The following CPXM2 variants were observed in gnomAD, a reference collection of about 807,000 sequenced individuals.
CPXM2 encodes inactive carboxypeptidase-like protein X2.
CPXM2 carries 66 observed loss-of-function variants against 86.1 expected under a neutral mutation model. The ratio of observed to expected loss-of-function variants is 0.77; its 90% confidence interval spans 0.63 to 0.94. The LOEUF (loss-of-function observed/expected upper bound fraction) is 0.94. CPXM2 is among the 40% of genes least tolerant of loss of function. The probability of loss-of-function intolerance (pLI) is 0.00; values close to 1 mark genes in which losing one functional copy is unlikely to be tolerated. For synonymous variants in CPXM2, 388 were observed against 400.2 expected (o/e 0.97, Z 0.36); for missense variants, 948 against 1,026.3 (o/e 0.92, Z 1.04).
chr10:123,830,141 CTGA>C (rs1564788519), intron 4 of CPXM2, among the ~76,000 whole-genome samples: 1 of 152,084 alleles, frequency 6.6e-6, no homozygotes, highest in Non-Finnish European at 1.5e-5. Flanking sequence ...TCTTAAGAAA[CTGA>C]TGATATTAAC....
At chr10:123,899,140 G>A (rs1480841706) in intron 2 of CPXM2, among the ~76,000 whole-genome samples, 1 of 152,122 alleles carries the variant, frequency 6.6e-6, no homozygotes, top group Non-Finnish European at 1.5e-5. Flanking sequence ...TAAAACCAGA[G>A]AATGAAATTA....
intron 4 of CPXM2, among the ~76,000 whole-genome samples, chr10:123,824,765 G>T (rs1848012050): frequency 6.6e-6 from 1 of 152,204 alleles, no homozygotes; most frequent in African/African-American, 2.4e-5. Flanking sequence ...AAGGGATGTG[G>T]TAGGGAACAC....
At chr10:123,758,571 C>A (rs1846266897) in intron 11 of CPXM2, among the ~76,000 whole-genome samples, 1 of 152,188 alleles carries the variant, frequency 6.6e-6, no homozygotes, top group African/African-American at 2.4e-5. Flanking sequence ...TCCAAATAAG[C>A]TAACATTCCC....
chr10:123,767,601 T>G (rs1400314341), intron 9 of CPXM2, among the ~76,000 whole-genome samples: 2 of 152,248 alleles, frequency 1.3e-5, no homozygotes, highest in Non-Finnish European at 2.9e-5. Flanking sequence ...TGACCACATT[T>G]CTATACTGTA....
intron 4 of CPXM2, among the ~76,000 whole-genome samples, chr10:123,822,165 G>C (rs1173140342): frequency 6.6e-6 from 1 of 152,234 alleles, no homozygotes; most frequent in Non-Finnish European, 1.5e-5. Flanking sequence ...TGAATAAACA[G>C]AAATTGGTTT....
chr10:123,911,375 A>G (rs191109829), intron 2 of CPXM2, among the ~76,000 whole-genome samples: 261 of 152,168 alleles, frequency 1.7e-3, no homozygotes, highest in Non-Finnish European at 2.9e-3. Flanking sequence ...GTCTGAGGAC[A>G]CTCAGAGCAG....
At chr10:123,907,929 G>T (rs1032533043) in intron 2 of CPXM2, among the ~76,000 whole-genome samples, 1 of 152,168 alleles carries the variant, frequency 6.6e-6, no homozygotes, top group African/African-American at 2.4e-5. Flanking sequence ...GGGGAAGCAG[G>T]AGGAAGGAAG....
intron 6 of CPXM2, among the ~76,000 whole-genome samples, chr10:123,794,524 G>C (rs1165553081): frequency 2.6e-5 from 4 of 152,032 alleles, no homozygotes; most frequent in African/African-American, 9.7e-5. Flanking sequence ...AAACCACCAA[G>C]GCCATGACCA....
chr10:123,909,578 G>C (rs1313261920), intron 2 of CPXM2, among the ~76,000 whole-genome samples: 1 of 152,162 alleles, frequency 6.6e-6, no homozygotes, highest in Non-Finnish European at 1.5e-5. Flanking sequence ...GCCGTTCAAA[G>C]CCTCCAGAAT....
intron 2 of CPXM2, among the ~76,000 whole-genome samples, chr10:123,867,825 G>A (rs1006804824): frequency 4.6e-5 from 7 of 152,240 alleles, no homozygotes; most frequent in Admixed American, 6.5e-5. Context: ...GAGCCACTGC[G>A]CCCGGCCCAT....
chr10:123,796,227 A>G (rs1847333080), intron 6 of CPXM2, among the ~76,000 whole-genome samples: 1 of 152,210 alleles, frequency 6.6e-6, no homozygotes, highest in Non-Finnish European at 1.5e-5. Flanking sequence ...CATTCTTTGT[A>G]CCAGCAATCC....
At chr10:123,788,773 A>G (rs1439750322) in intron 6 of CPXM2, among the ~76,000 whole-genome samples, 1 of 152,100 alleles carries the variant, frequency 6.6e-6, no homozygotes, top group Non-Finnish European at 1.5e-5. Flanking sequence ...AAAGTTTTGA[A>G]ACTAGAGAGA....
At chr10:123,905,170 T>C (rs71486689) in intron 2 of CPXM2, among the ~76,000 whole-genome samples, 9,015 of 152,206 alleles carry the variant, frequency 0.059, 361 homozygotes, top group East Asian at 0.14. Flanking sequence ...CTATTTCTAA[T>C]GTGGGCCTTT....
chr10:123,906,019 G>T (rs753392848), intron 2 of CPXM2, among the ~76,000 whole-genome samples: 5 of 152,160 alleles, frequency 3.3e-5, no homozygotes, highest in Non-Finnish European at 5.9e-5. Flanking sequence ...TGACGCCCAG[G>T]TACTGAAGTG....
chr10:123,916,177 T>C (rs17106146), intron 2 of CPXM2, among the ~76,000 whole-genome samples: 59,470 of 152,004 alleles, frequency 0.39, 11,851 homozygotes, highest in Middle Eastern at 0.57. Flanking sequence ...CCTAGGAGCA[T>C]TATGTTGGTC....
chr10:123,823,902 G>A lies in CPXM2; in HGVS notation c.653+18447C>T, dbSNP rs186820686. ...CCAGAATTGAAACTGAGAAAAGTAT[G>A]AGACATGGGCCACCATGTTTTATTA... On this transcript the variant is annotated intron_variant, in intron 4 of 13. Coordinates refer to ENST00000241305, the MANE Select transcript of CPXM2 (RefSeq NM_198148.3). Among the ~76,000 whole-genome samples, 69 of 152,284 alleles carry A rather than the reference G, an allele frequency of 4.5e-4. No homozygotes were observed. The East Asian group carries it at 9.8e-3, about 22-fold the overall frequency.
intron 6 of CPXM2, among the ~76,000 whole-genome samples, chr10:123,794,919 G>A (rs973447033): frequency 1.5e-4 from 23 of 151,968 alleles, no homozygotes; most frequent in Non-Finnish European, 2.6e-4. Context: ...ACAGGCACCC[G>A]CCACCATGCC....
upstream of CPXM2, among the ~76,000 whole-genome samples, chr10:123,944,010 A>C (rs537496676): frequency 4.9e-4 from 75 of 152,330 alleles, 1 homozygote; most frequent in African/African-American, 1.8e-3. Flanking sequence ...TCCAGCCAGG[A>C]TCATCCTGCA....
intron 2 of CPXM2, among the ~76,000 whole-genome samples, chr10:123,931,347 T>C (rs1945664750): frequency 6.6e-6 from 1 of 152,230 alleles, no homozygotes; most frequent in Admixed American, 6.5e-5. Flanking sequence ...AGTCTGTCCA[T>C]GAGTTTGTGG....
Sources: gnomAD v4.1 joint callset for allele counts (sites outside exome capture counted in the v4.1 genomes callset) on GRCh38, gnomAD v4.1.1 for gene constraint, MANE v1.5 for transcripts, NCBI Gene and HGNC (gene_info 2026-07-23, HGNC 2026-07-21) for gene names.